The following PRMT1 variants were observed in gnomAD, a reference collection of about 807,000 sequenced individuals.
PRMT1 encodes the protein protein arginine methyltransferase 1.
A neutral mutation model predicts 47.4 loss-of-function variants in PRMT1; 5 were observed. That is an observed-to-expected ratio of 0.11 (90% confidence interval 0.06 to 0.22). The LOEUF is 0.22. Ranked by LOEUF, PRMT1 falls within the 10% of genes least tolerant of loss-of-function variation. PRMT1 has a pLI of 1.00. For synonymous variants in PRMT1, 227 were observed against 204.6 expected (o/e 1.11, Z -0.94); for missense variants, 249 against 518.4 (o/e 0.48, Z 5.05).
In PRMT1 at chr19:49,679,962, C is replaced by A. The variant is rs369866763; in HGVS notation, c.90+37C>A. 4.0e-5 allele frequency: 63 copies of A among 1,565,948 alleles called. No homozygotes were observed. In the African/African-American group the frequency reaches 7.7e-4, roughly 19 times the overall value. On this transcript the variant is annotated intron_variant, in intron 2 of 10. Coordinates refer to ENST00000454376, the MANE Select transcript of PRMT1 (RefSeq NM_001536.6). ...TTTGTGAGACCCCTCCCCACCCTGACCTCCACATCAATATATCTTGCCACA... is the reference window on the plus strand; with the variant it reads ...TTTGTGAGACCCCTCCCCACCCTGAACTCCACATCAATATATCTTGCCACA...
At chr19:49,683,225 A>G (rs1262015316) in intron 5 of PRMT1, among the ~76,000 whole-genome samples, 1 of 151,602 alleles carries the variant, frequency 6.6e-6, no homozygotes, top group East Asian at 2.0e-4. Flanking sequence ...TCCTGAAGTG[A>G]TTTTTAAAAA....
At position 49,681,819 on chromosome 19, in the gene PRMT1, G is replaced by A. The variant is rs942966920; in HGVS notation, c.193-91G>A. 1.3e-4 allele frequency: 166 copies of A among 1,317,946 alleles called. No individual in the cohort carries two copies. Among genetic ancestry groups the A allele is most frequent in the Non-Finnish European group, 1.1e-4 (106 of 973,852 alleles). 81.6% of individuals were successfully genotyped at this position (1,317,946 alleles called of 1,614,324 possible). On this transcript the variant is annotated intron_variant, in intron 3 of 10. Coordinates refer to ENST00000454376, the MANE Select transcript of PRMT1 (RefSeq NM_001536.6). The surrounding 1 kb of genome is among the most constrained non-coding windows in gnomAD (Gnocchi z 4.4). ...GTGCATGGAAGAAAGCGAGAGGGCC[G>A]AGCTCTGGCCCTCCGAGCTCTCAGG...
intron 9 of PRMT1, 114 bp from the exon 10 acceptor site, chr19:49,686,491 G>T (rs1047955558): frequency 7.7e-7 from 1 of 1,295,746 alleles, no homozygotes; most frequent in East Asian, 2.5e-5. Flanking sequence ...GAGGTGACTC[G>T]CGGATAGCAG....
At chr19:49,676,483 G>A (rs1416814960), upstream of PRMT1, 1 of 152,242 alleles carries the variant, frequency 6.6e-6, no homozygotes, top group Non-Finnish European at 1.5e-5. Flanking sequence ...AAAACCAAGT[G>A]GCTTGAGAGG....
rs1397694715 is a variant in PRMT1, at chr19:49,681,197, G to A, written c.192+609G>A. On this transcript the variant is annotated intron_variant, in intron 3 of 10. Coordinates refer to ENST00000454376, the MANE Select transcript of PRMT1 (RefSeq NM_001536.6). The surrounding 1 kb of genome is among the most constrained non-coding windows in gnomAD (Gnocchi z 4.4). ...TCGGAGTAGCTGGGACCACAGGCGC[G>A]CGCCACCACGCCCAGCTGATGTTCT... Among the ~76,000 whole-genome samples the A allele has an allele frequency of 1.3e-5, 2 of 152,078 alleles. No individual in the cohort carries two copies. The highest frequency in any genetic ancestry group is 1.3e-4 in the Admixed American group (2 of 15,262).
chr19:49,679,475 A>C (rs768057597), intron 1 of PRMT1: 4 of 495,100 alleles, frequency 8.1e-6, no homozygotes, highest in Admixed American at 2.3e-5. Context: ...TATTCATGGC[A>C]CCCTAGGATA....
intron 10 of PRMT1, 74 bp downstream of exon 10, chr19:49,686,800 G>A: frequency 2.4e-6 from 1 of 425,312 alleles, no homozygotes; most frequent in Non-Finnish European, 3.4e-6. Context: ...GAGTGGTGGG[G>A]GAGGAATGGT....
chr19:49,680,667 G>A lies in PRMT1; in HGVS notation c.192+79G>A. ...GAAGGGGTGGAACCTGTTTTCCCAC[G>A]CATGCGCACTGCTTCCCCTGGCCGC... On this transcript the variant is annotated intron_variant, in intron 3 of 10. Coordinates refer to ENST00000454376, the MANE Select transcript of PRMT1 (RefSeq NM_001536.6). This position sits in a 1 kb window ranked among gnomAD's most constrained non-coding sequence, Gnocchi z 4.2. 4 of 1,160,012 alleles carry A rather than the reference G, an allele frequency of 3.4e-6. No individual in the cohort carries two copies. The highest frequency in any genetic ancestry group is 3.8e-6 in the Non-Finnish European group (3 of 779,800). The allele number at this position is 1,160,012 out of a possible 1,614,324, so 71.9% of individuals were successfully genotyped here.
At chr19:49,679,292 T>C (rs1284193302) in intron 1 of PRMT1, among the ~76,000 whole-genome samples, 1 of 152,108 alleles carries the variant, frequency 6.6e-6, no homozygotes, top group Non-Finnish European at 1.5e-5. Context: ...TGGTTCCAGC[T>C]GGTTTTGTTT....
rs777231050 is a variant in PRMT1 at position 49,684,918 on chromosome 19, C to G, written c.644-4C>G. On this transcript the variant is annotated splice_polypyrimidine_tract_variant and splice_region_variant and intron_variant, in intron 7 of 10. Coordinates refer to ENST00000454376, the MANE Select transcript of PRMT1 (RefSeq NM_001536.6). The surrounding 1 kb of genome is among the most constrained non-coding windows in gnomAD (Gnocchi z 6.2). Reference sequence around the variant, plus strand: ...GCTCACCCCCTCCCTGCCTGCCTCCCCAGGGTGGGAGAACGTGTATGGCTT... The same window carrying G: ...GCTCACCCCCTCCCTGCCTGCCTCCGCAGGGTGGGAGAACGTGTATGGCTT... 5 of 1,602,978 alleles carry G rather than the reference C, an allele frequency of 3.1e-6. No homozygotes were observed. The highest frequency in any genetic ancestry group is 3.4e-6 in the Non-Finnish European group (4 of 1,172,594).
At position 49,685,209 on chromosome 19, in the gene PRMT1, A is replaced by G; in HGVS notation, c.759+172A>G. ...AGGAAAGACACTTCGTCCTTTAAAT[A>G]TCTTTGTGAGCGCTGCTGTGTGAGA... On this transcript the variant is annotated intron_variant, in intron 8 of 10. Transcript: ENST00000454376. This position sits in a 1 kb window ranked among gnomAD's most constrained non-coding sequence, Gnocchi z 4.7. The G allele has an allele frequency of 6.5e-7, 1 of 1,530,906 alleles. No individual in the cohort carries two copies. 94.8% of individuals were successfully genotyped at this position (1,530,906 alleles called of 1,614,324 possible).
intron 1 of PRMT1, 25 bp downstream of exon 1, chr19:49,677,341 G>C: frequency 7.2e-7 from 1 of 1,382,564 alleles, no homozygotes; most frequent in Non-Finnish European, 9.4e-7. Context: ...CGCCGCCGTG[G>C]GCGGGAGGCG....
Position 49,680,703 on chromosome 19 carries a change from C to T in PRMT1, c.192+115C>T. 2 of 851,420 alleles carry T rather than the reference C, an allele frequency of 2.3e-6. No individual in the cohort carries two copies. The highest frequency in any genetic ancestry group is 1.5e-5 in the South Asian group (1 of 66,070). 52.7% of individuals were successfully genotyped at this position (851,420 alleles called of 1,614,324 possible). ...GCTTCCCCTGGCCGCAGGCCGCCCC[C>T]CTGCCCCTCTGCTGCGCACTTCCTA... On this transcript the variant is annotated intron_variant, in intron 3 of 10. Coordinates refer to ENST00000454376, the MANE Select transcript of PRMT1 (RefSeq NM_001536.6). The surrounding 1 kb of genome is among the most constrained non-coding windows in gnomAD (Gnocchi z 4.2).
chr19:49,680,624 G>C lies in PRMT1; in HGVS notation c.192+36G>C, dbSNP rs111983858. 2.0e-6 allele frequency: 3 copies of C among 1,508,620 alleles called. No individual in the cohort carries two copies. The highest frequency in any genetic ancestry group is 2.3e-5 in the East Asian group (1 of 44,390). 93.5% of individuals were successfully genotyped at this position (1,508,620 alleles called of 1,614,324 possible). A position where few individuals can be genotyped will look rare whatever the true frequency, so the allele number is the denominator to read the frequency against. On this transcript the variant is annotated intron_variant, in intron 3 of 10. Transcript: ENST00000454376. The surrounding 1 kb of genome is among the most constrained non-coding windows in gnomAD (Gnocchi z 4.2). ...ACAGTCCCCAAGGCCCCAATCTTAG[G>C]GGGGCTTAAATGTTGGGGAAGGGGT...
rs1052549061 is a variant in PRMT1, at chr19:49,681,416, A to T, written c.193-494A>T. 2.4e-4 allele frequency among the ~76,000 whole-genome samples: 37 copies of T among 151,186 alleles called. No individual in the cohort carries two copies. The highest frequency in any genetic ancestry group is 2.3e-3 in the Admixed American group (35 of 15,136). Reference sequence around the variant, plus strand: ...AGTGGTGAAGTCCGGCCAAGATTGGAGTTTAGACCATCTAATCTGATTTTT... The same window carrying T: ...AGTGGTGAAGTCCGGCCAAGATTGGTGTTTAGACCATCTAATCTGATTTTT... On this transcript the variant is annotated intron_variant, in intron 3 of 10. Transcript: ENST00000454376. The surrounding 1 kb of genome is among the most constrained non-coding windows in gnomAD (Gnocchi z 4.4).
Position 49,680,655 on chromosome 19 carries a change from C to T in PRMT1, c.192+67C>T. 1 of 1,322,640 alleles carries T rather than the reference C, an allele frequency of 7.6e-7. No homozygotes were observed. Among genetic ancestry groups the T allele is most frequent in the South Asian group, 1.2e-5 (1 of 85,124 alleles). The allele number at this position is 1,322,640 out of a possible 1,614,324, so 81.9% of individuals were successfully genotyped here. ...TTAAATGTTGGGGAAGGGGTGGAAC[C>T]TGTTTTCCCACGCATGCGCACTGCT... On this transcript the variant is annotated intron_variant, in intron 3 of 10. Coordinates refer to ENST00000454376, the MANE Select transcript of PRMT1 (RefSeq NM_001536.6). This position sits in a 1 kb window ranked among gnomAD's most constrained non-coding sequence, Gnocchi z 4.2.
chr19:49,677,100 G>C, upstream of PRMT1: 1 of 475,900 alleles, frequency 2.1e-6, no homozygotes, highest in Non-Finnish European at 3.4e-6. Flanking sequence ...GACCTATGAT[G>C]GACGTATTCT....
Position 49,681,304 on chromosome 19 carries a change from C to G in PRMT1, c.193-606C>G, listed in dbSNP as rs547138483. On this transcript the variant is annotated intron_variant, in intron 3 of 10. Transcript: ENST00000454376. The surrounding 1 kb of genome is among the most constrained non-coding windows in gnomAD (Gnocchi z 4.4). The stretch of plus-strand genomic sequence containing the variant: ...GATCAAGTGATCCTCCGGCTTTGGC[C>G]TCCTGAGGTGCTGGGATTACAGGCG... 4.9e-4 allele frequency among the ~76,000 whole-genome samples: 75 copies of G among 152,296 alleles called. No homozygotes were observed. Among genetic ancestry groups the G allele is most frequent in the Middle Eastern group, 3.4e-3 (1 of 294 alleles).
At chr19:49,677,365 G>T in intron 1 of PRMT1, 49 bp downstream of exon 1, 1 of 1,355,758 alleles carries the variant, frequency 7.4e-7, no homozygotes. Context: ...TTGGGTCGGT[G>T]TTTCACGCCT....
Sources: gnomAD v4.1 joint callset for allele counts (sites outside exome capture counted in the v4.1 genomes callset) on GRCh38, gnomAD v4.1.1 for gene constraint, Gnocchi (gnomAD v3.1) non-coding constraint, MANE v1.5 for transcripts, NCBI Gene and HGNC (gene_info 2026-07-23, HGNC 2026-07-21) for gene names.